The following LRP1B variants were observed in gnomAD, a reference collection of about 807,000 sequenced individuals.
LRP1B encodes LDL receptor related protein 1B.
LRP1B carries 217 observed loss-of-function variants against 556.6 expected under a neutral mutation model. That is an observed-to-expected ratio of 0.39 (90% confidence interval 0.35 to 0.44). LRP1B has a LOEUF of 0.44. Among genes scored for constraint, LRP1B ranks in the 20% least tolerant of loss-of-function variants. LRP1B has a pLI of 1.00. For synonymous variants in LRP1B, 2,047 were observed against 1,865.8 expected, an observed-to-expected ratio of 1.10 and a Z score of -2.50; for missense variants, 5,053 against 5,620.8, an observed-to-expected ratio of 0.90 and a Z score of 3.23.
chr2:140,639,431 A>G (rs1245905089), intron 41 of LRP1B, among the ~76,000 whole-genome samples: 1 of 152,198 alleles, frequency 6.6e-6, no homozygotes, highest in Non-Finnish European at 1.5e-5. Flanking sequence ...CCAGACCTTC[A>G]GCTATAATAC....
chr2:141,236,983 GA>G (rs1215632352), intron 5 of LRP1B, among the ~76,000 whole-genome samples: 1 of 152,118 alleles, frequency 6.6e-6, no homozygotes, highest in Admixed American at 6.6e-5. Flanking sequence ...CCAAAATTAT[GA>G]AAAACTTGTG....
chr2:141,311,653 G>A (rs1341098869), intron 3 of LRP1B, among the ~76,000 whole-genome samples: 1 of 152,166 alleles, frequency 6.6e-6, no homozygotes, highest in Non-Finnish European at 1.5e-5. Flanking sequence ...TGTAAGAAGA[G>A]GAAGAGAGAT....
chr2:140,308,101 C>G (rs1191898396), intron 83 of LRP1B, among the ~76,000 whole-genome samples: 1 of 151,642 alleles, frequency 6.6e-6, no homozygotes, highest in Non-Finnish European at 1.5e-5. Flanking sequence ...TATTGACACC[C>G]ATTTTCTCAA....
intron 7 of LRP1B, among the ~76,000 whole-genome samples, chr2:141,137,234 G>A (rs192020310): frequency 1.1e-4 from 17 of 152,066 alleles, no homozygotes; most frequent in African/African-American, 4.1e-4. Flanking sequence ...AATAGACTTA[G>A]CATTAGGAAA....
intron 7 of LRP1B, among the ~76,000 whole-genome samples, chr2:141,108,072 C>T (rs926178643): frequency 6.6e-6 from 1 of 152,078 alleles, no homozygotes; most frequent in Non-Finnish European, 1.5e-5. Context: ...ATTTTACTGA[C>T]TATGCCTCAG....
At chr2:140,717,437 A>C (rs1191518824) in intron 35 of LRP1B, among the ~76,000 whole-genome samples, 1 of 152,118 alleles carries the variant, frequency 6.6e-6, no homozygotes, top group Admixed American at 6.6e-5. Context: ...TCAAACTCTC[A>C]TTGTCCAAAT....
At chr2:140,623,348 C>A (rs779826094) in intron 41 of LRP1B, among the ~76,000 whole-genome samples, 2 of 151,866 alleles carry the variant, frequency 1.3e-5, no homozygotes, top group Middle Eastern at 3.4e-3. Flanking sequence ...TAAGAAAAAA[C>A]AAAACTAGAA....
chr2:141,342,716 G>A (rs2105519993), intron 3 of LRP1B, among the ~76,000 whole-genome samples: 1 of 152,222 alleles, frequency 6.6e-6, no homozygotes, highest in African/African-American at 2.4e-5. Flanking sequence ...AGAAATATGG[G>A]ACTATGTGAA....
chr2:141,448,137 C>G (rs1681268862), intron 3 of LRP1B, among the ~76,000 whole-genome samples: 1 of 152,178 alleles, frequency 6.6e-6, no homozygotes, highest in South Asian at 2.1e-4. Context: ...TCTAGAGTGC[C>G]AGACTGGCTA....
chr2:140,534,096 G>C lies in LRP1B; in HGVS notation c.7687C>G (p.Arg2563Gly), dbSNP rs770708987. ...RRGFKPCYNRRCIPHGKLCDG... is the reference protein window; with the variant it reads ...RRGFKPCYNRGCIPHGKLCDG... ...CATAACTTGCCATGAGGAATGCAGC[G>C]GCGATTATAGCATGGCTTGAAGCCT... Residue 2563 changes from arginine to glycine, a missense_variant, in exon 47 of 91, where the codon CGC (arginine) becomes GGC (glycine). By Grantham distance (125) the Arg-to-Gly change is moderately radical (BLOSUM62 -2). Coordinates refer to ENST00000389484, the MANE Select transcript of LRP1B (RefSeq NM_018557.3). 6.2e-7 allele frequency: 1 copy of C among 1,613,280 alleles called. No homozygotes were observed. Among genetic ancestry groups the C allele is most frequent in the Non-Finnish European group, 8.5e-7 (1 of 1,179,496 alleles).
intron 32 of LRP1B, among the ~76,000 whole-genome samples, chr2:140,800,068 A>AT (rs1690454038): frequency 6.6e-6 from 1 of 152,210 alleles, no homozygotes; most frequent in Non-Finnish European, 1.5e-5. Flanking sequence ...CTATATTGCC[A>AT]TAAAAAAGGA....
intron 41 of LRP1B, among the ~76,000 whole-genome samples, chr2:140,613,977 T>A (rs1683171500): frequency 6.6e-6 from 1 of 152,070 alleles, no homozygotes. Flanking sequence ...AACACAATCA[T>A]CAGAAAAGAT....
intron 85 of LRP1B, among the ~76,000 whole-genome samples, chr2:140,273,493 T>C (rs917940046): frequency 6.6e-6 from 1 of 152,036 alleles, no homozygotes; most frequent in African/African-American, 2.4e-5. Flanking sequence ...ATTTAAATTC[T>C]AAAATGAGAG....
intron 2 of LRP1B, among the ~76,000 whole-genome samples, chr2:141,755,069 T>C (rs929134223): frequency 6.6e-6 from 1 of 152,088 alleles, no homozygotes; most frequent in Non-Finnish European, 1.5e-5. Flanking sequence ...GTGCAATGGT[T>C]GCAATAGGAT....
intron 4 of LRP1B, among the ~76,000 whole-genome samples, chr2:141,251,593 T>C (rs1283639020): frequency 2.0e-5 from 3 of 151,854 alleles, no homozygotes; most frequent in Non-Finnish European, 4.4e-5. Flanking sequence ...AAGAAAGAGG[T>C]AGAAATTGAT....
intron 37 of LRP1B, among the ~76,000 whole-genome samples, chr2:140,715,545 AAGG>A (rs1398323944): frequency 6.6e-6 from 1 of 152,086 alleles, no homozygotes; most frequent in Non-Finnish European, 1.5e-5. Context: ...AAGTAAAAGG[AAGG>A]AGAAGAAAAC....
At chr2:140,510,202 AT>A (rs1310590800) in intron 51 of LRP1B, 146 bp from the exon 52 acceptor site, 1 of 771,770 alleles carries the variant, frequency 1.3e-6, no homozygotes, top group African/African-American at 1.8e-5. Flanking sequence ...ATTAAACATC[AT>A]TCTTCCCCTG....
intron 1 of LRP1B, among the ~76,000 whole-genome samples, chr2:141,873,395 T>C (rs562098045): frequency 6.6e-6 from 1 of 152,164 alleles, no homozygotes; most frequent in East Asian, 1.9e-4. Context: ...ACCTATTTTT[T>C]GCATATTGTA....
chr2:141,171,885 ACAGT>A (rs1332571385), intron 7 of LRP1B, among the ~76,000 whole-genome samples: 2 of 152,106 alleles, frequency 1.3e-5, no homozygotes, highest in Non-Finnish European at 2.9e-5. Context: ...TCTAAAGTAA[ACAGT>A]CAGTAACATT....
Sources: allele counts gnomAD v4.1 joint callset (sites outside exome capture counted in the v4.1 genomes callset), GRCh38; gene constraint gnomAD v4.1.1; transcripts MANE v1.5; gene names NCBI Gene and HGNC (gene_info 2026-07-23, HGNC 2026-07-21).